STK10: variants seen among roughly 807,000 people sequenced by gnomAD.
STK10 encodes the protein serine/threonine kinase 10.
A neutral mutation model predicts 113.8 loss-of-function variants in STK10; 78 were observed. The observed-to-expected ratio is 0.69, with a 90% CI of 0.57 to 0.83. The LOEUF is 0.83. Ranked by LOEUF, STK10 falls within the 40% of genes least tolerant of loss-of-function variation. The pLI is 0.00. For synonymous variants in STK10, 465 were observed against 494.7 expected (o/e 0.94, Z 0.80); for missense variants, 1,109 against 1,280.1 (o/e 0.87, Z 2.04).
At chr5:172,090,141 A>C in intron 10 of STK10, 91 bp downstream of exon 10, 1 of 1,539,266 alleles carries the variant, frequency 6.5e-7, no homozygotes, top group Non-Finnish European at 8.8e-7. Context: ...CATGCTGTAG[A>C]CAGACAGCCC....
At chr5:172,087,400 G>A (rs1029011735) in intron 10 of STK10, among the ~76,000 whole-genome samples, 6 of 151,284 alleles carry the variant, frequency 4.0e-5, no homozygotes, top group African/African-American at 1.5e-4. Flanking sequence ...TCAGCCTCCC[G>A]AGTAGCTGGG....
At position 172,138,129 on chromosome 5, in the gene STK10, A is replaced by T. The variant is rs369225912; in HGVS notation, c.322-10708T>A. Among the ~76,000 whole-genome samples, 358 of 152,014 alleles carry T rather than the reference A, an allele frequency of 2.4e-3. 2 individuals are homozygous for T. The highest frequency in any genetic ancestry group is 0.011 in the South Asian group (54 of 4,812). On this transcript the variant is annotated intron_variant, in intron 2 of 18. Transcript: ENST00000176763. ...AAGGAGAAATAAAATTATTATTATT[A>T]TTTTTTTATTGAGATGGAGTCTCAC... is the stretch of plus-strand genomic sequence containing the variant.
chr5:172,168,052 C>T (rs933758738), intron 1 of STK10, among the ~76,000 whole-genome samples: 2 of 152,198 alleles, frequency 1.3e-5, no homozygotes, highest in African/African-American at 4.8e-5. Context: ...CCCAGCTGAC[C>T]TGTCGGATGA....
intron 12 of STK10, among the ~76,000 whole-genome samples, chr5:172,072,944 C>T (rs1002317867): frequency 1.3e-5 from 2 of 152,090 alleles, no homozygotes; most frequent in Non-Finnish European, 2.9e-5. Flanking sequence ...ATATAAATAT[C>T]AATGTATTTT....
intron 2 of STK10, among the ~76,000 whole-genome samples, chr5:172,130,150 A>T (rs1769718635): frequency 1.3e-5 from 2 of 152,122 alleles, no homozygotes; most frequent in Non-Finnish European, 1.5e-5. Context: ...ATGGCCTTGG[A>T]CAACCGCCAA....
intron 8 of STK10, among the ~76,000 whole-genome samples, chr5:172,096,106 T>A (rs921452495): frequency 2.0e-5 from 3 of 152,212 alleles, no homozygotes; most frequent in Non-Finnish European, 4.4e-5. Flanking sequence ...ATTTGGTATG[T>A]GAGCTGTGAC....
chr5:172,104,863 C>T (rs981040967), intron 7 of STK10, among the ~76,000 whole-genome samples: 1 of 152,156 alleles, frequency 6.6e-6, no homozygotes, highest in Non-Finnish European at 1.5e-5. Context: ...GCTTATGTGA[C>T]CACTACCCAC....
intron 2 of STK10, among the ~76,000 whole-genome samples, chr5:172,132,683 A>C (rs1462501382): frequency 6.6e-6 from 1 of 152,218 alleles, no homozygotes; most frequent in Non-Finnish European, 1.5e-5. Flanking sequence ...ATTTGTGGTC[A>C]GTTTAATGCA....
chr5:172,138,463 T>C (rs1769914277), intron 2 of STK10, among the ~76,000 whole-genome samples: 1 of 152,172 alleles, frequency 6.6e-6, no homozygotes, highest in African/African-American at 2.4e-5. Flanking sequence ...ATCTTATATG[T>C]AGAAAATGCT....
At chr5:172,074,816 T>TA (rs1284046363) in intron 12 of STK10, among the ~76,000 whole-genome samples, 4 of 152,102 alleles carry the variant, frequency 2.6e-5, no homozygotes, top group African/African-American at 9.7e-5. Context: ...GTCAGGAGTT[T>TA]AAGGCCAGCC....
intron 7 of STK10, among the ~76,000 whole-genome samples, chr5:172,097,519 T>C (rs1168554214): frequency 6.6e-6 from 1 of 152,246 alleles, no homozygotes; most frequent in African/African-American, 2.4e-5. Context: ...TGTGCAGTCT[T>C]TCGCGTTGGC....
chr5:172,157,613 T>C (rs1268862648), intron 1 of STK10, among the ~76,000 whole-genome samples: 1 of 152,076 alleles, frequency 6.6e-6, no homozygotes, highest in Admixed American at 6.5e-5. Context: ...TTTTTTGAGA[T>C]GGAGTCTCAC....
At chr5:172,173,447 AAGGAGAGTGAAGGGAAGC>A (rs1262435243) in intron 1 of STK10, among the ~76,000 whole-genome samples, 6 of 152,222 alleles carry the variant, frequency 3.9e-5, no homozygotes. Context: ...GCTTTCCAGG[AAGGAGAGTGAAGGGAAGC>A]CAGGCATCAG....
Position 172,093,571 on chromosome 5 carries a change from C to A in STK10, c.1395G>T (p.Leu465=). 1 of 1,614,226 alleles carries A rather than the reference C, an allele frequency of 6.2e-7. No individual in the cohort carries two copies. Residue 465 remains leucine (L), a synonymous_variant, in exon 9 of 19, where the codon CTG becomes CTT. Coordinates refer to ENST00000176763, the MANE Select transcript of STK10 (RefSeq NM_005990.4). This position sits in a 1 kb window ranked among gnomAD's most constrained non-coding sequence, Gnocchi z 4.1. ...CAGGTGGCTCCAGGCTGCCATTGGCCAGCTTCTCCCCACCCAAGGTCTCCA... is the reference window on the plus strand; with the variant it reads ...CAGGTGGCTCCAGGCTGCCATTGGCAAGCTTCTCCCCACCCAAGGTCTCCA... ...SALETLGGEK[L]ANGSLEPPAQ...
At chr5:172,163,708 G>A (rs1486745583) in intron 1 of STK10, among the ~76,000 whole-genome samples, 2 of 152,136 alleles carry the variant, frequency 1.3e-5, no homozygotes, top group East Asian at 1.9e-4. Flanking sequence ...AAATTCTAAT[G>A]AACAAGACAA....
At chr5:172,066,344 G>C (rs1463481426) in intron 12 of STK10, among the ~76,000 whole-genome samples, 1 of 151,196 alleles carries the variant, frequency 6.6e-6, no homozygotes, top group South Asian at 2.1e-4. Context: ...TCACCCTTTT[G>C]CTCTCCTGGC....
intron 7 of STK10, among the ~76,000 whole-genome samples, chr5:172,100,594 CT>C (rs766253147): frequency 3.9e-5 from 6 of 152,066 alleles, no homozygotes; most frequent in Non-Finnish European, 8.8e-5. Flanking sequence ...CGAGACCACC[CT>C]GGCCAACATG....
At chr5:172,132,339 T>G (rs1490375845) in intron 2 of STK10, among the ~76,000 whole-genome samples, 1 of 97,168 alleles carries the variant, frequency 1.0e-5, no homozygotes, top group Non-Finnish European at 2.6e-5. Flanking sequence ...ATTTTTAATT[T>G]TTTTAATTTT....
intron 1 of STK10, among the ~76,000 whole-genome samples, chr5:172,164,144 G>A (rs185503839): frequency 2.6e-4 from 39 of 151,140 alleles, no homozygotes; most frequent in African/African-American, 5.4e-4. Context: ...CCCGGGAGGC[G>A]GAGGTTGCAG....
Sources: gnomAD v4.1 joint callset for allele counts (sites outside exome capture counted in the v4.1 genomes callset) on GRCh38, gnomAD v4.1.1 for gene constraint, Gnocchi (gnomAD v3.1) non-coding constraint, MANE v1.5 for transcripts, NCBI Gene and HGNC (gene_info 2026-07-23, HGNC 2026-07-21) for gene names.